The following DPY19L1 variants were observed in gnomAD, a reference collection of about 807,000 sequenced individuals.
DPY19L1 encodes the protein protein C-mannosyl-transferase DPY19L1.
DPY19L1 carries 35 observed loss-of-function variants against 96.9 expected under a neutral mutation model. That is an observed-to-expected ratio of 0.36 (90% CI 0.28 to 0.48). The LOEUF is 0.48. Among genes scored for constraint, DPY19L1 ranks in the 20% least tolerant of loss-of-function variants. The pLI, the probability that DPY19L1 is intolerant of heterozygous loss-of-function variation, is 0.99. For missense variants in DPY19L1, 521 were observed against 777.9 expected (o/e 0.67, Z 3.93); for synonymous variants, 205 against 252.6 (o/e 0.81, Z 1.79).
At chr7:34,940,020 TCTAAAAGCAACATTGCA>T (rs1783963486) in intron 19 of DPY19L1, 116 bp downstream of exon 19, 1 of 786,204 alleles carries the variant, frequency 1.3e-6, no homozygotes, top group African/African-American at 1.8e-5. Flanking sequence ...TTTTAGATAT[TCTAAAAGCAACATTGCA>T]TAGAAAGAGT....
chr7:34,962,459 A>G (rs1784519878), intron 10 of DPY19L1, among the ~76,000 whole-genome samples: 1 of 152,224 alleles, frequency 6.6e-6, no homozygotes, highest in Non-Finnish European at 1.5e-5. Flanking sequence ...AGGGATGAAT[A>G]GGTGGAGCAC....
chr7:34,949,776 G>A (rs1202367132), intron 14 of DPY19L1, 21 bp downstream of exon 14: 33 of 1,480,020 alleles, frequency 2.2e-5, no homozygotes, highest in Non-Finnish European at 2.8e-5. Context: ...TTAGGAAACA[G>A]AACTAGAAAT....
At chr7:35,028,349 A>C (rs893698020) in intron 1 of DPY19L1, among the ~76,000 whole-genome samples, 7 of 152,232 alleles carry the variant, frequency 4.6e-5, no homozygotes, top group Non-Finnish European at 7.3e-5. Context: ...TGAAAACAGG[A>C]GAGCATGGAA....
intron 16 of DPY19L1, among the ~76,000 whole-genome samples, chr7:34,944,724 A>G (rs1784105570): frequency 6.6e-6 from 1 of 152,102 alleles, no homozygotes; most frequent in Admixed American, 6.5e-5. Context: ...CTCACATAAC[A>G]CACAATACTA....
At chr7:34,989,644 CAAA>C (rs375852661) in intron 7 of DPY19L1, among the ~76,000 whole-genome samples, 11 of 146,612 alleles carry the variant, frequency 7.5e-5, no homozygotes, top group African/African-American at 2.8e-4. Flanking sequence ...ACAACAACAA[CAAA>C]AAAAAAAAAC....
At chr7:34,967,611 G>A (rs1784638494) in intron 9 of DPY19L1, among the ~76,000 whole-genome samples, 1 of 152,054 alleles carries the variant, frequency 6.6e-6, no homozygotes, top group Non-Finnish European at 1.5e-5. Context: ...TGAATTAATT[G>A]ATTAAATGAT....
At chr7:34,996,386 GC>G in intron 6 of DPY19L1, among the ~76,000 whole-genome samples, 1 of 152,048 alleles carries the variant, frequency 6.6e-6, no homozygotes, top group Admixed American at 6.5e-5. Flanking sequence ...TGTGCTCCAG[GC>G]CCTTCATTCC....
intron 6 of DPY19L1, among the ~76,000 whole-genome samples, chr7:35,006,309 A>G (rs1785555233): frequency 6.6e-6 from 1 of 152,230 alleles, no homozygotes; most frequent in South Asian, 2.1e-4. Context: ...AATAATACTA[A>G]AATCACACTA....
Position 34,986,346 on chromosome 7 carries a change from C to T in DPY19L1, c.822+3538G>A, listed in dbSNP as rs1425495982. 2.6e-5 allele frequency among the ~76,000 whole-genome samples: 4 copies of T among 152,056 alleles called. No homozygotes were observed. The South Asian group carries it at 6.2e-4, about 24-fold the overall frequency. ...GTTGGTGAGGGAATAGATATGTTAACTTGCTTGATTGACTCTTTCTACAAT... is the reference window on the plus strand; with the variant it reads ...GTTGGTGAGGGAATAGATATGTTAATTTGCTTGATTGACTCTTTCTACAAT... On this transcript the variant is annotated intron_variant, in intron 7 of 21. Transcript: ENST00000638088.
chr7:35,016,220 G>C (rs1346671155), intron 3 of DPY19L1, among the ~76,000 whole-genome samples: 2 of 152,150 alleles, frequency 1.3e-5, no homozygotes, highest in South Asian at 4.1e-4. Context: ...TGTAGTACCT[G>C]AAAGTAAGGA....
rs372672453 is a variant in DPY19L1, at chr7:34,947,354, A to C, written c.1494+276T>G. On this transcript the variant is annotated intron_variant, in intron 15 of 21. Coordinates refer to ENST00000638088, the MANE Select transcript of DPY19L1 (RefSeq NM_001366673.1). ...GTAATAATTTACACAGGCAAGTTGT[A>C]TCTGGGTCAATATGGTCTCTGATCA... 1.2e-4 allele frequency among the ~76,000 whole-genome samples: 19 copies of C among 152,330 alleles called. No homozygotes were observed. The East Asian group carries it at 2.7e-3, about 22-fold the overall frequency.
intron 7 of DPY19L1, among the ~76,000 whole-genome samples, chr7:34,978,430 AC>A (rs1331452519): frequency 6.6e-6 from 1 of 152,174 alleles, no homozygotes; most frequent in African/African-American, 2.4e-5. Flanking sequence ...GACTGCTGGC[AC>A]CATGAAGGTT....
intron 10 of DPY19L1, among the ~76,000 whole-genome samples, chr7:34,964,940 G>C (rs913647371): frequency 1.4e-4 from 21 of 152,118 alleles, no homozygotes; most frequent in African/African-American, 4.8e-4. Flanking sequence ...GCTTCATTAT[G>C]AATCAGAGAA....
At chr7:35,037,870 GCCTTCCGGAGGCGGCCGC>G (rs1296331589), upstream of DPY19L1, 8 of 1,236,954 alleles carry the variant, frequency 6.5e-6, no homozygotes, top group East Asian at 3.2e-5. Flanking sequence ...GGGGCGGACG[GCCTTCCGGAGGCGGCCGC>G]CCTTCCATTG....
At chr7:35,025,021 A>G (rs1786089223) in intron 1 of DPY19L1, among the ~76,000 whole-genome samples, 1 of 152,360 alleles carries the variant, frequency 6.6e-6, no homozygotes, top group African/African-American at 2.4e-5. Context: ...TCAACAATCC[A>G]AATTATTTGA....
chr7:34,940,918 A>T (rs1272091654), intron 18 of DPY19L1: 1 of 153,626 alleles, frequency 6.5e-6, no homozygotes, highest in Non-Finnish European at 1.5e-5. Flanking sequence ...TGAAGGGGTC[A>T]GAAAGGTAGA....
At chr7:34,951,338 T>C (rs1784262313) in intron 13 of DPY19L1, among the ~76,000 whole-genome samples, 1 of 151,432 alleles carries the variant, frequency 6.6e-6, no homozygotes, top group African/African-American at 2.4e-5. Flanking sequence ...AGAATACACA[T>C]TATCCTTGAA....
At chr7:35,016,570 G>A (rs1422043862) in intron 3 of DPY19L1, among the ~76,000 whole-genome samples, 1 of 152,188 alleles carries the variant, frequency 6.6e-6, no homozygotes, top group African/African-American at 2.4e-5. Context: ...ACCACAGTTT[G>A]AGAAGGATAA....
At chr7:34,977,585 G>A (rs568930321) in intron 7 of DPY19L1, among the ~76,000 whole-genome samples, 5 of 152,250 alleles carry the variant, frequency 3.3e-5, no homozygotes, top group East Asian at 3.9e-4. Context: ...ATAACACAAC[G>A]TGTTTTACTA....
Sources: allele counts gnomAD v4.1 joint callset (sites outside exome capture counted in the v4.1 genomes callset), GRCh38; gene constraint gnomAD v4.1.1; transcripts MANE v1.5; gene names NCBI Gene and HGNC (gene_info 2026-07-23, HGNC 2026-07-21).